Variants in RABGAP1L observed in about 807,000 individuals in gnomAD.
RABGAP1L encodes the protein RAB GTPase activating protein 1 like.
Under a neutral mutation model 137.7 loss-of-function variants are expected in RABGAP1L, and 63 were observed. That is an observed-to-expected ratio of 0.46 (90% CI 0.37 to 0.56). RABGAP1L has a LOEUF of 0.56. Ranked by LOEUF, RABGAP1L falls within the 20% of genes least tolerant of loss-of-function variation. The pLI is 0.00. For synonymous variants in RABGAP1L, 431 were observed against 433.7 expected (o/e 0.99, Z 0.08); for missense variants, 1,095 against 1,244.0 (o/e 0.88, Z 1.80).
intron 3 of RABGAP1L, among the ~76,000 whole-genome samples, chr1:174,228,634 T>G (rs1219346779): frequency 2.0e-5 from 3 of 152,180 alleles, no homozygotes; most frequent in Non-Finnish European, 4.4e-5. Flanking sequence ...TTGAAGAACA[T>G]GGTAGATGAA....
rs199994617 is a variant in RABGAP1L, at chr1:174,962,205, C to G, written c.2433+4656C>G. On this transcript the variant is annotated intron_variant, in intron 20 of 25. Transcript: ENST00000681986. Reference sequence around the variant, plus strand: ...ATAAAAATAAAAATACACCCCCCCCCCACACACACACACAGCTAGTTAATT... The same window carrying G: ...ATAAAAATAAAAATACACCCCCCCCGCACACACACACACAGCTAGTTAATT... 1.2e-4 allele frequency among the ~76,000 whole-genome samples: 16 copies of G among 136,824 alleles called. 2 individuals carry two copies. Among genetic ancestry groups the G allele is most frequent in the African/African-American group, 3.6e-4 (12 of 33,694 alleles). The allele number at this position is 136,824 out of a possible 152,430, so 89.8% of individuals were successfully genotyped here.
At chr1:174,903,630 C>G (rs1658503749) in intron 19 of RABGAP1L, among the ~76,000 whole-genome samples, 1 of 151,898 alleles carries the variant, frequency 6.6e-6, no homozygotes, top group African/African-American at 2.4e-5. Context: ...CCATATAACA[C>G]TGGATATAGG....
chr1:174,219,471 G>C (rs1472156504), intron 2 of RABGAP1L, among the ~76,000 whole-genome samples, 176 bp downstream of exon 2: 2 of 151,990 alleles, frequency 1.3e-5, no homozygotes, highest in Non-Finnish European at 2.9e-5. Context: ...TCTTGCTTTT[G>C]GTTGTTTACC....
chr1:174,451,614 C>T (rs761509075), intron 13 of RABGAP1L, among the ~76,000 whole-genome samples: 14 of 152,198 alleles, frequency 9.2e-5, no homozygotes, highest in African/African-American at 3.1e-4. Context: ...CCTGCTTCAC[C>T]GGTAGGCTGC....
chr1:174,956,321 C>CT (rs1483295686), intron 19 of RABGAP1L, among the ~76,000 whole-genome samples: 1 of 276 alleles, frequency 3.6e-3, no homozygotes, highest in African/African-American at 0.05. Flanking sequence ...GTCTCAACCT[C>CT]CAAGTAGCTG....
chr1:174,211,304 A>C (rs1668867408), intron 1 of RABGAP1L, among the ~76,000 whole-genome samples: 1 of 152,174 alleles, frequency 6.6e-6, no homozygotes, highest in African/African-American at 2.4e-5. Context: ...TAGATAATCA[A>C]AAAAGATATA....
intron 13 of RABGAP1L, chr1:174,548,614 C>CTGCA: frequency 1.1e-6 from 1 of 917,340 alleles, no homozygotes; most frequent in Non-Finnish European, 1.3e-6. Context: ...CAGAGGGCTT[C>CTGCA]TGCATACCAC....
At chr1:174,595,552 G>T (rs1321831134) in intron 13 of RABGAP1L, among the ~76,000 whole-genome samples, 15 of 136,322 alleles carry the variant, frequency 1.1e-4, no homozygotes, top group East Asian at 4.4e-4. Context: ...GTCCTTTCTG[G>T]TTGTTAGTTT....
At chr1:174,532,811 A>G (rs1664539466) in intron 13 of RABGAP1L, among the ~76,000 whole-genome samples, 1 of 152,226 alleles carries the variant, frequency 6.6e-6, no homozygotes, top group South Asian at 2.1e-4. Context: ...TATAAAAAAA[A>G]ATGGGGAGTA....
At chr1:174,275,754 T>A in intron 8 of RABGAP1L, 79 bp from the exon 9 acceptor site, 1 of 1,013,784 alleles carries the variant, frequency 9.9e-7, no homozygotes, top group Non-Finnish European at 1.5e-6. Context: ...ATAATTTGTA[T>A]TGCTTAAAGT....
chr1:174,896,261 A>G (rs1203876070), intron 19 of RABGAP1L, among the ~76,000 whole-genome samples: 3 of 152,298 alleles, frequency 2.0e-5, no homozygotes, highest in Admixed American at 6.5e-5. Flanking sequence ...GTGTCTGTTC[A>G]TATCCTTCAC....
intron 19 of RABGAP1L, among the ~76,000 whole-genome samples, chr1:174,827,185 G>T (rs1267358634): frequency 6.6e-6 from 1 of 152,030 alleles, no homozygotes; most frequent in Non-Finnish European, 1.5e-5. Flanking sequence ...CCAGACTGGT[G>T]TGCAGTGGCT....
chr1:174,288,889 C>G (rs1558102593), intron 10 of RABGAP1L, among the ~76,000 whole-genome samples: 1 of 152,064 alleles, frequency 6.6e-6, no homozygotes, highest in Non-Finnish European at 1.5e-5. Context: ...TTTCTTCACT[C>G]TTTGTTTGTT....
intron 19 of RABGAP1L, among the ~76,000 whole-genome samples, chr1:174,909,084 C>T (rs570261280): frequency 6.0e-5 from 9 of 149,030 alleles, no homozygotes; most frequent in Admixed American, 3.4e-4. Context: ...GAGGCTGAGG[C>T]AGGAGAATCT....
intron 13 of RABGAP1L, among the ~76,000 whole-genome samples, chr1:174,465,582 G>A (rs1279248979): frequency 6.6e-6 from 1 of 152,046 alleles, no homozygotes; most frequent in Non-Finnish European, 1.5e-5. Flanking sequence ...TTCTCATAGA[G>A]CTTACATCCA....
intron 11 of RABGAP1L, among the ~76,000 whole-genome samples, chr1:174,310,785 G>A (rs1191132500): frequency 4.6e-5 from 7 of 152,094 alleles, no homozygotes; most frequent in African/African-American, 1.7e-4. Flanking sequence ...AGAATGCAGT[G>A]TGAAATAAGC....
intron 19 of RABGAP1L, among the ~76,000 whole-genome samples, chr1:174,895,803 T>A (rs1347856249): frequency 6.6e-6 from 1 of 152,206 alleles, no homozygotes. Context: ...TAGTATTCCA[T>A]GGTATATATG....
At chr1:174,962,140 G>T (rs565169994) in intron 20 of RABGAP1L, among the ~76,000 whole-genome samples, 1 of 148,924 alleles carries the variant, frequency 6.7e-6, no homozygotes, top group African/African-American at 2.5e-5. Context: ...ACGCCACTGC[G>T]CTCCAGCCTG....
At chr1:174,590,505 C>G (rs941129038) in intron 13 of RABGAP1L, among the ~76,000 whole-genome samples, 1 of 97,440 alleles carries the variant, frequency 1.0e-5, no homozygotes, top group African/African-American at 4.3e-5. Flanking sequence ...CCCCCCTCCC[C>G]CGACCCCACC....
Sources: gnomAD v4.1 joint callset for allele counts (sites outside exome capture counted in the v4.1 genomes callset) on GRCh38, gnomAD v4.1.1 for gene constraint, MANE v1.5 for transcripts, NCBI Gene and HGNC (gene_info 2026-07-23, HGNC 2026-07-21) for gene names.